The following RBFOX1 variants were observed in gnomAD, a reference collection of about 807,000 sequenced individuals.
The protein encoded by RBFOX1 is RNA binding protein fox-1 homolog 1.
In RBFOX1, 8 loss-of-function variants were observed where a neutral mutation model predicts 57.7. That is an observed-to-expected ratio of 0.14 (90% CI 0.08 to 0.25). The LOEUF (loss-of-function observed/expected upper bound fraction) is 0.25. RBFOX1 is among the 10% of genes least tolerant of loss of function. The probability of loss-of-function intolerance (pLI) is 1.00; values close to 1 mark genes in which losing one functional copy is unlikely to be tolerated. For missense variants in RBFOX1, 611 were observed against 548.5 expected (o/e 1.11, Z -1.14); for synonymous variants, 326 against 222.4 (o/e 1.47, Z -4.15).
chr16:7,432,929 T>C (rs1428254972), intron 4 of RBFOX1, among the ~76,000 whole-genome samples: 1 of 152,250 alleles, frequency 6.6e-6, no homozygotes, highest in African/African-American at 2.4e-5. Context: ...GAGGATTCAA[T>C]GTGTCAAGTG....
chr16:7,230,467 C>G (rs545131539), intron 4 of RBFOX1, among the ~76,000 whole-genome samples: 12 of 152,240 alleles, frequency 7.9e-5, no homozygotes, highest in Non-Finnish European at 1.0e-4. Flanking sequence ...CAGCTTTGTC[C>G]TCTCAAGGGT....
intron 4 of RBFOX1, among the ~76,000 whole-genome samples, chr16:7,143,574 C>G (rs1326828039): frequency 6.6e-6 from 1 of 152,110 alleles, no homozygotes; most frequent in African/African-American, 2.4e-5. Flanking sequence ...TATGGGGTAG[C>G]TTTCTCCCAG....
chr16:5,730,638 C>T (rs1409898740), intron 3 of RBFOX1, among the ~76,000 whole-genome samples: 1 of 151,684 alleles, frequency 6.6e-6, no homozygotes, highest in African/African-American at 2.4e-5. Context: ...ATCATCATCA[C>T]TACCACACCA....
intron 3 of RBFOX1, among the ~76,000 whole-genome samples, chr16:6,967,560 C>A (rs557578093): frequency 1.3e-5 from 2 of 152,222 alleles, no homozygotes; most frequent in East Asian, 1.9e-4. Context: ...ATGTGTTTCT[C>A]CTACACCTCT....
chr16:5,755,798 A>T (rs1324597546), intron 3 of RBFOX1, among the ~76,000 whole-genome samples: 1 of 152,048 alleles, frequency 6.6e-6, no homozygotes, highest in Non-Finnish European at 1.5e-5. Context: ...GGGTTTCACC[A>T]TGTTGGTCAG....
chr16:5,276,982 C>G (rs922207809), intron 1 of RBFOX1, among the ~76,000 whole-genome samples: 3 of 152,172 alleles, frequency 2.0e-5, no homozygotes, highest in African/African-American at 7.2e-5. Context: ...ATGAAAAAGA[C>G]ACTTTTGCAC....
At chr16:5,372,816 G>T (rs181545724) in intron 1 of RBFOX1, among the ~76,000 whole-genome samples, 4 of 152,298 alleles carry the variant, frequency 2.6e-5, no homozygotes, top group Admixed American at 6.5e-5. Flanking sequence ...GCGTTGACCC[G>T]CACAATACCA....
intron 4 of RBFOX1, among the ~76,000 whole-genome samples, chr16:7,183,290 A>G (rs1294580582): frequency 2.0e-5 from 3 of 152,186 alleles, no homozygotes; most frequent in African/African-American, 7.2e-5. Flanking sequence ...TGACAAGTGT[A>G]TCGTGCTTGT....
chr16:6,640,965 G>T (rs1201095308), intron 2 of RBFOX1, among the ~76,000 whole-genome samples: 1 of 152,168 alleles, frequency 6.6e-6, no homozygotes, highest in South Asian at 2.1e-4. Flanking sequence ...TACTCAAATG[G>T]AAGGCCTGCT....
chr16:6,855,092 G>C (rs1015793525), intron 3 of RBFOX1, among the ~76,000 whole-genome samples: 8 of 152,080 alleles, frequency 5.3e-5, no homozygotes, highest in African/African-American at 7.2e-5. Context: ...CAACAGAAGA[G>C]AAGGATGCTA....
At chr16:7,042,975 C>T (rs553320331) in intron 3 of RBFOX1, among the ~76,000 whole-genome samples, 8 of 152,234 alleles carry the variant, frequency 5.3e-5, no homozygotes, top group African/African-American at 1.9e-4. Context: ...TTCCTAGCAG[C>T]ATAGTTAAAA....
intron 4 of RBFOX1, among the ~76,000 whole-genome samples, chr16:5,871,937 G>A (rs139722406): frequency 2.6e-5 from 4 of 152,146 alleles, no homozygotes; most frequent in Non-Finnish European, 5.9e-5. Flanking sequence ...GGGAAACTAC[G>A]CAGGTAGCAA....
chr16:5,662,742 G>A (rs1178900079), intron 3 of RBFOX1, among the ~76,000 whole-genome samples: 2 of 152,196 alleles, frequency 1.3e-5, no homozygotes, highest in African/African-American at 4.8e-5. Context: ...GTGGAGGTTT[G>A]AAGTTCCAGT....
chr16:6,613,923 G>T (rs989365687), intron 2 of RBFOX1, among the ~76,000 whole-genome samples: 4 of 152,180 alleles, frequency 2.6e-5, no homozygotes, highest in African/African-American at 7.2e-5. Context: ...GGGCGACAGA[G>T]TGTGACTCAG....
intron 4 of RBFOX1, among the ~76,000 whole-genome samples, chr16:7,260,196 A>C (rs975596909): frequency 6.6e-5 from 10 of 152,222 alleles, no homozygotes; most frequent in African/African-American, 2.4e-4. Context: ...TTATGGAATC[A>C]CATGCTTTTA....
intron 3 of RBFOX1, among the ~76,000 whole-genome samples, chr16:6,915,938 G>C (rs1199640988): frequency 1.3e-5 from 2 of 152,154 alleles, no homozygotes; most frequent in African/African-American, 2.4e-5. Context: ...CCCAAATGCT[G>C]AAGTTGCTGA....
intron 1 of RBFOX1, among the ~76,000 whole-genome samples, chr16:6,301,841 A>T (rs1209694619): frequency 6.6e-6 from 1 of 152,180 alleles, no homozygotes; most frequent in African/African-American, 2.4e-5. Context: ...ATATGCAAGC[A>T]TTTCGTGAAG....
chr16:5,753,199 G>C (rs2053273141), intron 3 of RBFOX1, among the ~76,000 whole-genome samples: 2 of 151,722 alleles, frequency 1.3e-5, no homozygotes, highest in African/African-American at 4.8e-5. Flanking sequence ...TGTATGAGTG[G>C]GCACTAAACT....
intron 3 of RBFOX1, among the ~76,000 whole-genome samples, chr16:6,786,742 A>G (rs888992715): frequency 1.3e-5 from 2 of 152,240 alleles, no homozygotes; most frequent in East Asian, 1.9e-4. Flanking sequence ...TTCCTTAAAC[A>G]GTTGGAAATG....
Sources: allele counts gnomAD v4.1 joint callset (sites outside exome capture counted in the v4.1 genomes callset), GRCh38; gene constraint gnomAD v4.1.1; transcripts MANE v1.5; gene names NCBI Gene and HGNC (gene_info 2026-07-23, HGNC 2026-07-21).